The following SH3TC1 variants were observed in gnomAD, a reference collection of about 807,000 sequenced individuals.
SH3TC1 encodes SH3 domain and tetratricopeptide repeat-containing protein 1.
In SH3TC1, 135 loss-of-function variants were observed where a neutral mutation model predicts 117.3. The ratio of observed to expected loss-of-function variants is 1.15; its 90% CI spans 1.00 to 1.33. The LOEUF (loss-of-function observed/expected upper bound fraction) is 1.33, where lower values mean the gene tolerates loss of function less well. Ranked by LOEUF, SH3TC1 falls within the 40% of genes most tolerant of loss-of-function variation. The pLI is 0.00. For synonymous variants in SH3TC1, 898 were observed against 816.9 expected, an observed-to-expected ratio of 1.10 and a Z score of -1.69; for missense variants, 2,092 against 1,794.3, an observed-to-expected ratio of 1.17 and a Z score of -3.00.
At chr4:8,240,111 G>A (rs1722199423) in intron 17 of SH3TC1, among the ~76,000 whole-genome samples, 1 of 152,186 alleles carries the variant, frequency 6.6e-6, no homozygotes, top group Admixed American at 6.5e-5. Context: ...GGTGGGGGAT[G>A]GGAGGGTCAA....
intron 12 of SH3TC1, chr4:8,231,239 A>G (rs11732186): frequency 0.33 from 50,575 of 152,204 alleles, 8,865 homozygotes; most frequent in Non-Finnish European, 0.39. Context: ...CGCCAGTACA[A>G]CTGAAGAACA....
intron 6 of SH3TC1, 143 bp downstream of exon 6, chr4:8,216,400 C>A: frequency 1.5e-6 from 2 of 1,299,416 alleles, no homozygotes; most frequent in Non-Finnish European, 1.0e-6. Context: ...GTGCTTCAGG[C>A]AGGGAGGTGT....
chr4:8,212,676 G>T (rs1718853691), intron 3 of SH3TC1, 25 bp from the exon 4 acceptor site: 1 of 1,612,686 alleles, frequency 6.2e-7, no homozygotes, highest in Non-Finnish European at 8.5e-7. Context: ...CAGACCAACT[G>T]CCCAACCTCC....
chr4:8,233,392 A>G lies in SH3TC1; in HGVS notation c.3161A>G (p.Lys1054Arg), dbSNP rs1721429497. 6.2e-7 allele frequency: 1 copy of G among 1,613,600 alleles called. No individual in the cohort carries two copies. Among genetic ancestry groups the G allele is most frequent in the Non-Finnish European group, 8.5e-7 (1 of 1,179,758 alleles). ...RAYKSALDYTKRSLGIFIDLQ... is the reference protein window; with the variant it reads ...RAYKSALDYTRRSLGIFIDLQ... ...TACAAATCCGCACTGGACTACACCA[A>G]ACGAAGTCTGGGGATTTTCATTGAC... Residue 1054 changes from lysine to arginine, a missense_variant, in exon 14 of 18, where the codon AAA becomes AGA. Lys to Arg is a conservative substitution (Grantham distance 26). Transcript: ENST00000245105.
At chr4:8,219,288 C>T in intron 8 of SH3TC1, 47 bp from the exon 9 acceptor site, 1 of 1,501,494 alleles carries the variant, frequency 6.7e-7, no homozygotes, top group Non-Finnish European at 8.9e-7. Context: ...CCCGCTCTGG[C>T]CCCCATTTGG....
chr4:8,227,714 C>T lies in SH3TC1; in HGVS notation c.2020C>T (p.His674Tyr), dbSNP rs779606302. Residue 674 changes from histidine to tyrosine, a missense_variant, in exon 12 of 18, where the codon CAC becomes TAC. Transcript: ENST00000245105. ...CCGGGCCTGCTTCCTGCTGGCCAGG[C>T]ACCACGTGCACCTCAAGCAGCCCGA... ...EARACFLLAR[H>Y]HVHLKQPEEA... The T allele has an allele frequency of 1.9e-6, 3 of 1,576,866 alleles. No homozygotes were observed. Among genetic ancestry groups the T allele is most frequent in the Middle Eastern group, 1.7e-4 (1 of 5,876 alleles).
chr4:8,207,669 A>G (rs1459358108), intron 2 of SH3TC1, among the ~76,000 whole-genome samples: 1 of 152,196 alleles, frequency 6.6e-6, no homozygotes, highest in Non-Finnish European at 1.5e-5. Flanking sequence ...TCCATACTAT[A>G]TACATCATTA....
chr4:8,215,666 G>C (rs981354120), intron 5 of SH3TC1, among the ~76,000 whole-genome samples: 2 of 152,310 alleles, frequency 1.3e-5, no homozygotes, highest in East Asian at 3.9e-4. Context: ...AGACGAGAGG[G>C]GGGAGCTCGC....
At chr4:8,212,997 C>T (rs1000426295) in intron 4 of SH3TC1, 169 bp downstream of exon 4, 45 of 875,464 alleles carry the variant, frequency 5.1e-5, no homozygotes, top group Non-Finnish European at 6.0e-5. Flanking sequence ...CAGTGGGTGG[C>T]GAGGGCTTGT....
intron 4 of SH3TC1, among the ~76,000 whole-genome samples, chr4:8,214,023 A>G (rs943847400): frequency 6.6e-6 from 1 of 152,114 alleles, no homozygotes; most frequent in African/African-American, 2.4e-5. Flanking sequence ...TCATGCCCCT[A>G]TCAACACTGA....
In SH3TC1 at chr4:8,233,137, G is replaced by A; in HGVS notation, c.3132-226G>A. ...GGACTAGCACGCTCCCCCAGCCACA[G>A]GGCAGCATGATGCCCAGTTCCCTCA... is the stretch of plus-strand genomic sequence containing the variant. On this transcript the variant is annotated intron_variant, in intron 13 of 17. Coordinates refer to ENST00000245105, the MANE Select transcript of SH3TC1 (RefSeq NM_018986.5). 2.9e-6 allele frequency: 4 copies of A among 1,371,010 alleles called. No individual in the cohort carries two copies. In the South Asian group the frequency reaches 5.0e-5, roughly 17 times the overall value. 84.9% of individuals were successfully genotyped at this position (1,371,010 alleles called of 1,614,324 possible).
chr4:8,212,311 G>A (rs1718817229), intron 3 of SH3TC1, among the ~76,000 whole-genome samples: 1 of 152,150 alleles, frequency 6.6e-6, no homozygotes, highest in Non-Finnish European at 1.5e-5. Flanking sequence ...CAGGTCCTGT[G>A]CCCGCAAGTT....
At chr4:8,223,394 G>A (rs1176632766) in intron 10 of SH3TC1, among the ~76,000 whole-genome samples, 3 of 152,240 alleles carry the variant, frequency 2.0e-5, no homozygotes, top group Admixed American at 6.5e-5. Context: ...AGACTGTGGT[G>A]TGGCCTGGTC....
upstream of SH3TC1, among the ~76,000 whole-genome samples, chr4:8,197,811 C>A (rs1317568401): frequency 6.6e-6 from 1 of 152,212 alleles, no homozygotes; most frequent in Non-Finnish European, 1.5e-5. Context: ...GACTTGAGGG[C>A]TCACCGTGCA....
chr4:8,235,982 G>A (rs1578752551), intron 15 of SH3TC1: 1 of 455,992 alleles, frequency 2.2e-6, no homozygotes, highest in South Asian at 3.6e-5. Context: ...CCTGGGCACA[G>A]ATAAATGTCG....
In SH3TC1 at chr4:8,209,237, C is replaced by T. The variant is rs755443579; in HGVS notation, c.173-511C>T. ...CAGATGTGATCAAAGGCAAGGATCT[C>T]GAGATGGAGAGATGATCCCGGATGC... On this transcript the variant is annotated intron_variant, in intron 2 of 17. Coordinates refer to ENST00000245105, the MANE Select transcript of SH3TC1 (RefSeq NM_018986.5). The surrounding 1 kb of genome is among the most constrained non-coding windows in gnomAD (Gnocchi z 5.9). Among the ~76,000 whole-genome samples, 1 of 152,190 alleles carries T rather than the reference C, an allele frequency of 6.6e-6. No individual in the cohort carries two copies. Among genetic ancestry groups the T allele is most frequent in the South Asian group, 2.1e-4 (1 of 4,826 alleles).
At chr4:8,235,854 G>A (rs1237274010) in intron 15 of SH3TC1, 2 of 386,004 alleles carry the variant, frequency 5.2e-6, no homozygotes, top group Non-Finnish European at 9.3e-6. Flanking sequence ...GAGGCACAGG[G>A]ACACGTCAAA....
chr4:8,234,817 C>G (rs1371435488), intron 14 of SH3TC1, among the ~76,000 whole-genome samples: 1 of 152,246 alleles, frequency 6.6e-6, no homozygotes, highest in Non-Finnish European at 1.5e-5. Context: ...AATGTGGCCT[C>G]TCAGTTAACA....
chr4:8,196,964 C>G (rs183121179), upstream of SH3TC1, among the ~76,000 whole-genome samples: 2 of 152,142 alleles, frequency 1.3e-5, no homozygotes, highest in African/African-American at 2.4e-5. This position sits in a 1 kb window ranked among gnomAD's most constrained non-coding sequence, Gnocchi z 4.6. Context: ...GCTTATGTAC[C>G]GAGCTGACAC....
Sources: gnomAD v4.1 joint callset for allele counts (sites outside exome capture counted in the v4.1 genomes callset) on GRCh38, gnomAD v4.1.1 for gene constraint, Gnocchi (gnomAD v3.1) non-coding constraint, MANE v1.5 for transcripts, NCBI Gene and HGNC (gene_info 2026-07-23, HGNC 2026-07-21) for gene names.